STK32B: variants seen among roughly 807,000 people sequenced by gnomAD.
STK32B encodes serine/threonine kinase 32B.
A neutral mutation model predicts 52.6 loss-of-function variants in STK32B; 43 were observed. The observed-to-expected ratio is 0.82, with a 90% CI of 0.64 to 1.05. STK32B has a LOEUF of 1.05. Ranked by LOEUF, STK32B falls within the 50% of genes least tolerant of loss-of-function variation. The pLI, the probability that STK32B is intolerant of heterozygous loss-of-function variation, is 0.00. For missense variants in STK32B, 621 were observed against 534.6 expected (o/e 1.16, Z -1.59); for synonymous variants, 238 against 204.3 (o/e 1.17, Z -1.41).
chr4:5,279,117 C>T (rs1374452136), intron 3 of STK32B, among the ~76,000 whole-genome samples: 1 of 152,136 alleles, frequency 6.6e-6, no homozygotes, highest in Non-Finnish European at 1.5e-5. Flanking sequence ...GCCGACAGTC[C>T]CCGAAAGTCT....
intron 3 of STK32B, among the ~76,000 whole-genome samples, chr4:5,285,976 T>C (rs1348765614): frequency 2.6e-5 from 4 of 151,938 alleles, no homozygotes; most frequent in Non-Finnish European, 5.9e-5. Flanking sequence ...ATGACTGATA[T>C]CCATATAGAA....
chr4:5,190,247 G>A (rs1029985884), intron 3 of STK32B, among the ~76,000 whole-genome samples: 3 of 152,170 alleles, frequency 2.0e-5, no homozygotes, highest in Admixed American at 1.3e-4. Flanking sequence ...ATATGTTGGT[G>A]GGTAATGGTG....
intron 3 of STK32B, among the ~76,000 whole-genome samples, chr4:5,280,930 A>G (rs1728153551): frequency 6.6e-6 from 1 of 151,986 alleles, no homozygotes; most frequent in African/African-American, 2.4e-5. Flanking sequence ...AACGAAACAA[A>G]ACAAAAAAGA....
chr4:5,244,569 T>C (rs1037741471), intron 3 of STK32B, among the ~76,000 whole-genome samples: 1 of 152,234 alleles, frequency 6.6e-6, no homozygotes, highest in African/African-American at 2.4e-5. Context: ...TTTGTGTCTC[T>C]GTTTCCTTCA....
At chr4:5,495,209 A>T (rs1340960423) in intron 11 of STK32B, among the ~76,000 whole-genome samples, 1 of 152,196 alleles carries the variant, frequency 6.6e-6, no homozygotes, top group African/African-American at 2.4e-5. Context: ...ACTTTCAGGT[A>T]CACCAATCAG....
chr4:5,433,335 G>C (rs977635802), intron 6 of STK32B, among the ~76,000 whole-genome samples: 1 of 152,160 alleles, frequency 6.6e-6, no homozygotes. Context: ...GAGAACCCAG[G>C]AGAAGGGGCA....
chr4:5,291,672 T>C (rs1728899640), intron 3 of STK32B, among the ~76,000 whole-genome samples: 1 of 152,180 alleles, frequency 6.6e-6, no homozygotes, highest in African/African-American at 2.4e-5. Flanking sequence ...TGACTATAGC[T>C]TCCAATACAG....
intron 3 of STK32B, chr4:5,214,346 G>A (rs1723069330): frequency 6.6e-6 from 1 of 152,316 alleles, no homozygotes; most frequent in African/African-American, 2.4e-5. Context: ...ACAGCTTGTG[G>A]AACTGTGAGT....
rs965524819 is a variant in STK32B, at chr4:5,498,594, C to T, written c.1107-351C>T. On this transcript the variant is annotated intron_variant, in intron 11 of 11. Transcript: ENST00000282908. ...GATACCTGGGACTCACCACCTTTAC[C>T]GACTGTGAGCTTGGGAAATATAAAT... is the stretch of plus-strand genomic sequence containing the variant. 5.3e-5 allele frequency among the ~76,000 whole-genome samples: 8 copies of T among 152,120 alleles called. 1 individual carries two copies. Among genetic ancestry groups the T allele is most frequent in the Non-Finnish European group, 7.4e-5 (5 of 68,024 alleles).
chr4:5,178,206 G>GT (rs1475465348), intron 3 of STK32B, among the ~76,000 whole-genome samples: 1 of 152,234 alleles, frequency 6.6e-6, no homozygotes, highest in East Asian at 1.9e-4. Flanking sequence ...ACAAACCTCA[G>GT]TTCTTGATTT....
intron 3 of STK32B, among the ~76,000 whole-genome samples, chr4:5,242,366 A>C (rs1027088031): frequency 1.3e-5 from 2 of 152,200 alleles, no homozygotes; most frequent in Non-Finnish European, 2.9e-5. Flanking sequence ...TTGGCTGCAT[A>C]AATGTCTTCT....
At chr4:5,233,709 A>G (rs980011967) in intron 3 of STK32B, among the ~76,000 whole-genome samples, 7 of 151,434 alleles carry the variant, frequency 4.6e-5, no homozygotes, top group African/African-American at 1.7e-4. Flanking sequence ...TGGACAAGCC[A>G]TTCACTTGGG....
chr4:5,051,676 G>A lies in STK32B; in HGVS notation c.-188G>A. ...GAGCGGGGTCCCTGCGAGCGCAGTC[G>A]GAAGGGCGTCCAGGAGAAGGGGGAC... On this transcript the variant is annotated 5_prime_UTR_variant, in exon 1 of 12. Coordinates refer to ENST00000282908, the MANE Select transcript of STK32B (RefSeq NM_018401.3). The A allele has an allele frequency of 1.5e-6, 1 of 656,778 alleles. No individual in the cohort carries two copies. The highest frequency in any genetic ancestry group is 2.0e-5 in the African/African-American group (1 of 51,214). 40.7% of individuals were successfully genotyped at this position (656,778 alleles called of 1,614,324 possible).
rs75431566 is a variant in STK32B at position 5,455,978 on chromosome 4, T to C, written c.667-829T>C. The stretch of plus-strand genomic sequence containing the variant: ...TTTGTCATCCCAAGACATGTGGCCA[T>C]GATACCAACCTGAAAACATCTTGGA... On this transcript the variant is annotated intron_variant, in intron 7 of 11. Transcript: ENST00000282908. Among the ~76,000 whole-genome samples the C allele has an allele frequency of 5.3e-5, 8 of 152,122 alleles. No individual in the cohort carries two copies. In the East Asian group the frequency reaches 1.4e-3, roughly 26 times the overall value.
At chr4:5,156,961 G>A (rs1465360804) in intron 2 of STK32B, among the ~76,000 whole-genome samples, 1 of 151,878 alleles carries the variant, frequency 6.6e-6, no homozygotes, top group Admixed American at 6.6e-5. Flanking sequence ...CTCTTTGCAG[G>A]CTCTCACAGC....
At chr4:5,259,169 T>A (rs1355514914) in intron 3 of STK32B, among the ~76,000 whole-genome samples, 1 of 152,184 alleles carries the variant, frequency 6.6e-6, no homozygotes, top group African/African-American at 2.4e-5. Context: ...ACCTCCTCTA[T>A]TTTTTTCTAT....
At chr4:5,187,737 A>T (rs949315504) in intron 3 of STK32B, among the ~76,000 whole-genome samples, 2 of 152,212 alleles carry the variant, frequency 1.3e-5, no homozygotes, top group East Asian at 3.9e-4. Context: ...CTGAAGATTT[A>T]GCATTTGATT....
intron 3 of STK32B, among the ~76,000 whole-genome samples, chr4:5,316,810 TTATATATTATATC>T (rs1730878947): frequency 3.0e-4 from 1 of 3,280 alleles, no homozygotes; most frequent in African/African-American, 4.5e-3. Flanking sequence ...ATTATATATA[TTATATATTATATC>T]ATATATATTA....
rs1033526407 is a variant in STK32B at position 5,122,082 on chromosome 4, TCTCACTCATTTA to T, written c.53-17812_53-17801del. 7.9e-5 allele frequency among the ~76,000 whole-genome samples: 12 copies of T among 151,820 alleles called. 1 individual carries two copies. The South Asian group carries it at 1.5e-3, about 18-fold the overall frequency. The stretch of plus-strand genomic sequence containing the variant: ...CATTCACTAATTCACATACTCATTC[TCTCACTCATTTA>T]CTCACTCATTCACTTACTCACCCAT... On this transcript the variant is annotated intron_variant, in intron 1 of 11. Transcript: ENST00000282908.
Sources: allele counts gnomAD v4.1 joint callset (sites outside exome capture counted in the v4.1 genomes callset), GRCh38; gene constraint gnomAD v4.1.1; transcripts MANE v1.5; gene names NCBI Gene and HGNC (gene_info 2026-07-23, HGNC 2026-07-21).